NELL1: variants seen among roughly 807,000 people sequenced by gnomAD.
The protein encoded by NELL1 is neural EGFL like 1.
NELL1 carries 76 observed loss-of-function variants against 107.4 expected under a neutral mutation model. The observed-to-expected ratio is 0.71, with a 90% CI of 0.59 to 0.86. The LOEUF (loss-of-function observed/expected upper bound fraction) is 0.86, where lower values mean the gene tolerates loss of function less well. NELL1 is among the 40% of genes least tolerant of loss of function. The pLI is 0.00. For synonymous variants in NELL1, 353 were observed against 341.2 expected (o/e 1.03, Z -0.38); for missense variants, 1,024 against 1,005.5 (o/e 1.02, Z -0.25).
intron 14 of NELL1, among the ~76,000 whole-genome samples, chr11:21,343,717 TCACTGTGGTTC>T (rs2133707615): frequency 6.6e-6 from 1 of 152,300 alleles, no homozygotes; most frequent in African/African-American, 2.4e-5. Context: ...TTAATGAGCT[TCACTGTGGTTC>T]CAATAGTTTA....
At chr11:21,532,594 G>A (rs1371704436) in intron 15 of NELL1, among the ~76,000 whole-genome samples, 1 of 152,160 alleles carries the variant, frequency 6.6e-6, no homozygotes, top group Non-Finnish European at 1.5e-5. Context: ...GCTAACCATG[G>A]CTATTACCTA....
chr11:20,962,945 C>T (rs1851318763), intron 12 of NELL1, among the ~76,000 whole-genome samples: 1 of 152,150 alleles, frequency 6.6e-6, no homozygotes, highest in African/African-American at 2.4e-5. Context: ...AGGAACATAG[C>T]TCATGGGTTA....
intron 12 of NELL1, among the ~76,000 whole-genome samples, chr11:21,075,154 A>G (rs1854104730): frequency 6.6e-6 from 1 of 152,202 alleles, no homozygotes; most frequent in Admixed American, 6.6e-5. Flanking sequence ...GAAATTCAAC[A>G]TAGCCAAATT....
At chr11:20,716,156 A>G (rs1425436787) in intron 2 of NELL1, among the ~76,000 whole-genome samples, 2 of 152,308 alleles carry the variant, frequency 1.3e-5, no homozygotes, top group African/African-American at 4.8e-5. Context: ...ACAGTCTGTT[A>G]AAAAAATCGG....
At chr11:21,150,590 T>G (rs1447735146) in intron 13 of NELL1, among the ~76,000 whole-genome samples, 1 of 152,296 alleles carries the variant, frequency 6.6e-6, no homozygotes, top group East Asian at 1.9e-4. Flanking sequence ...GCCTGGGCAA[T>G]AGGACACTGA....
chr11:21,094,996 G>A (rs1406361234), intron 12 of NELL1, among the ~76,000 whole-genome samples: 3 of 152,124 alleles, frequency 2.0e-5, no homozygotes, highest in Non-Finnish European at 4.4e-5. Flanking sequence ...ACATTTTCGG[G>A]CTGCAAATTT....
chr11:21,090,124 A>G (rs1449157998), intron 12 of NELL1, among the ~76,000 whole-genome samples: 1 of 152,162 alleles, frequency 6.6e-6, no homozygotes, highest in East Asian at 1.9e-4. Flanking sequence ...GATGTACAAT[A>G]ATACAGAAAA....
At chr11:21,211,768 G>C (rs1236041539) in intron 13 of NELL1, among the ~76,000 whole-genome samples, 1 of 152,026 alleles carries the variant, frequency 6.6e-6, no homozygotes, top group Non-Finnish European at 1.5e-5. Flanking sequence ...AAGGGAGAAG[G>C]AGGTATCAAG....
chr11:20,759,081 G>A (rs1420192820), intron 2 of NELL1, among the ~76,000 whole-genome samples: 1 of 152,194 alleles, frequency 6.6e-6, no homozygotes, highest in Non-Finnish European at 1.5e-5. Context: ...TTATGCAGCT[G>A]TTAAGCAGTG....
At chr11:20,997,701 A>T (rs148081748) in intron 12 of NELL1, among the ~76,000 whole-genome samples, 19 of 152,314 alleles carry the variant, frequency 1.2e-4, no homozygotes, top group African/African-American at 4.3e-4. Flanking sequence ...AAAATAAATT[A>T]TTTGGGATCA....
intron 14 of NELL1, among the ~76,000 whole-genome samples, chr11:21,309,769 G>T (rs1849708477): frequency 6.6e-6 from 1 of 151,982 alleles, no homozygotes; most frequent in South Asian, 2.1e-4. Flanking sequence ...TACAGGGAAA[G>T]TCCCAGTTTT....
At chr11:21,281,889 C>T (rs542757511) in intron 14 of NELL1, among the ~76,000 whole-genome samples, 27 of 152,288 alleles carry the variant, frequency 1.8e-4, no homozygotes, top group African/African-American at 4.8e-4. Flanking sequence ...AACTATGAAA[C>T]TACTACACAA....
chr11:21,159,055 TG>T (rs1240943699), intron 13 of NELL1, among the ~76,000 whole-genome samples: 3 of 152,284 alleles, frequency 2.0e-5, no homozygotes, highest in African/African-American at 7.2e-5. Context: ...TTCTTATTAT[TG>T]AGACCAAGAT....
chr11:21,018,826 T>C (rs1331140687), intron 12 of NELL1, among the ~76,000 whole-genome samples: 1 of 152,066 alleles, frequency 6.6e-6, no homozygotes, highest in Admixed American at 6.6e-5. Flanking sequence ...ATGGTATGAG[T>C]TAGAGATGGA....
intron 15 of NELL1, among the ~76,000 whole-genome samples, chr11:21,504,605 T>G (rs923616314): frequency 3.3e-5 from 5 of 152,304 alleles, no homozygotes; most frequent in Admixed American, 1.3e-4. Flanking sequence ...GAAACTTGGT[T>G]TTTAAAATTT....
intron 12 of NELL1, among the ~76,000 whole-genome samples, chr11:20,963,548 A>G (rs530652044): frequency 2.6e-5 from 4 of 152,248 alleles, no homozygotes; most frequent in African/African-American, 7.2e-5. Flanking sequence ...GATTACATTT[A>G]GATGAATTAA....
chr11:20,810,403 A>C (rs1857475359), intron 3 of NELL1, among the ~76,000 whole-genome samples: 1 of 151,990 alleles, frequency 6.6e-6, no homozygotes, highest in Non-Finnish European at 1.5e-5. Context: ...CGCAAAGTCC[A>C]TTGTATTATT....
intron 13 of NELL1, among the ~76,000 whole-genome samples, chr11:21,133,419 C>T (rs1383621987): frequency 6.6e-6 from 1 of 152,160 alleles, no homozygotes; most frequent in Non-Finnish European, 1.5e-5. Flanking sequence ...CACCACTTCC[C>T]ACCCAGGAGC....
chr11:21,326,049 GTTTTT>G (rs35690119), intron 14 of NELL1, among the ~76,000 whole-genome samples: 2 of 37,392 alleles, frequency 5.3e-5, no homozygotes, highest in Admixed American at 3.2e-4. Flanking sequence ...GTTAATCCTA[GTTTTT>G]TTTTTTTTTT....
Sources: gnomAD v4.1 joint callset for allele counts (sites outside exome capture counted in the v4.1 genomes callset) on GRCh38, gnomAD v4.1.1 for gene constraint, MANE v1.5 for transcripts, NCBI Gene and HGNC (gene_info 2026-07-23, HGNC 2026-07-21) for gene names.